Variants in EDRF1 observed in about 807,000 individuals in gnomAD.
The protein encoded by EDRF1 is erythroid differentiation regulatory factor 1, also known as erythroid differentiation-related factor 1.
A neutral mutation model predicts 148.7 loss-of-function variants in EDRF1; 69 were observed. The ratio of observed to expected loss-of-function variants is 0.46; its 90% confidence interval spans 0.38 to 0.57. The LOEUF is 0.57. EDRF1 is among the 20% of genes least tolerant of loss of function. The pLI, the probability that EDRF1 is intolerant of heterozygous loss-of-function variation, is 0.00. For synonymous variants in EDRF1, 515 were observed against 532.8 expected (o/e 0.97, Z 0.46); for missense variants, 1,118 against 1,478.7 (o/e 0.76, Z 4.00).
At chr10:125,760,514 T>A (rs2133771114) in intron 24 of EDRF1, among the ~76,000 whole-genome samples, 1 of 152,286 alleles carries the variant, frequency 6.6e-6, no homozygotes, top group African/African-American at 2.4e-5. Flanking sequence ...TTTATTAAAC[T>A]TAAATGTGAT....
At chr10:125,733,056 A>G (rs1848548244) in intron 9 of EDRF1, among the ~76,000 whole-genome samples, 1 of 152,202 alleles carries the variant, frequency 6.6e-6, no homozygotes, top group Admixed American at 6.5e-5. Flanking sequence ...GCCTACCTTC[A>G]TTTACCATCT....
intron 23 of EDRF1, 83 bp downstream of exon 23, chr10:125,752,997 G>A (rs1849715966): frequency 1.1e-6 from 1 of 944,444 alleles, no homozygotes; most frequent in Non-Finnish European, 1.7e-6. Flanking sequence ...GTGTGTGTAT[G>A]TGTGTGGGTA....
rs925594440 is a variant in EDRF1, at chr10:125,739,286, T to A, written c.1981+841T>A. Among the ~76,000 whole-genome samples, 5 of 152,350 alleles carry A rather than the reference T, an allele frequency of 3.3e-5. No individual in the cohort carries two copies. The East Asian group carries it at 7.7e-4, about 24-fold the overall frequency. ...ATATAGTGCTGCTGGTATGCCAGGC[T>A]TCGGCCTACAGGCAGTAAGGAGATC... On this transcript the variant is annotated intron_variant, in intron 15 of 24. Transcript: ENST00000356792.
intron 9 of EDRF1, among the ~76,000 whole-genome samples, chr10:125,732,537 G>A (rs1018888252): frequency 2.0e-5 from 3 of 152,114 alleles, no homozygotes; most frequent in African/African-American, 7.2e-5. Context: ...ATCAGACATT[G>A]GAGCCTCTCC....
chr10:125,721,296 T>C lies in EDRF1; in HGVS notation c.201T>C (p.Leu67=), dbSNP rs1278630220. ...CTCCTCGAACAGCATTTGCACGCCT[T>C]GAAGAGAAAACAGACTTGAAACTCC... ...SAPPRTAFAR[L]EEKTDLKLPP... Residue 67 remains leucine, a synonymous_variant, in exon 2 of 25, where the codon CTT becomes CTC. Coordinates refer to ENST00000356792, the MANE Select transcript of EDRF1 (RefSeq NM_001202438.2). 2 of 1,614,068 alleles carry C rather than the reference T, an allele frequency of 1.2e-6. No individual in the cohort carries two copies. The highest frequency in any genetic ancestry group is 2.7e-5 in the African/African-American group (2 of 74,912).
Position 125,735,676 on chromosome 10 carries a change from A to G in EDRF1, c.1530A>G (p.Glu510=). Residue 510 remains glutamate, a synonymous_variant, in exon 13 of 25, where the codon GAA becomes GAG. Coordinates refer to ENST00000356792, the MANE Select transcript of EDRF1 (RefSeq NM_001202438.2). ...CTTCCGCCAATTACATGCTTTCAGA[A>G]CTTTTTCAATTGGATGAACCTAAAA... is the stretch of plus-strand genomic sequence containing the variant. ...IIASANYMLS[E]LFQLDEPKKE... is the part of the protein sequence containing the mutation. 1 of 1,613,246 alleles carries G rather than the reference A, an allele frequency of 6.2e-7. No individual in the cohort carries two copies. The highest frequency in any genetic ancestry group is 8.5e-7 in the Non-Finnish European group (1 of 1,179,370).
chr10:125,755,248 T>G (rs1849847290), intron 24 of EDRF1, among the ~76,000 whole-genome samples: 1 of 152,250 alleles, frequency 6.6e-6, no homozygotes, highest in African/African-American at 2.4e-5. Context: ...TTTATTACAT[T>G]TATTGAGATG....
At chr10:125,729,191 A>G in intron 7 of EDRF1, 87 bp downstream of exon 7, 2 of 1,463,436 alleles carry the variant, frequency 1.4e-6, no homozygotes, top group Non-Finnish European at 1.9e-6. Flanking sequence ...ATTGATAGGG[A>G]AAAACTCCAC....
chr10:125,753,634 T>A, intron 23 of EDRF1, 60 bp from the exon 24 acceptor site: 3 of 1,576,064 alleles, frequency 1.9e-6, no homozygotes, highest in Non-Finnish European at 2.6e-6. Flanking sequence ...CATCACTTGG[T>A]ACGATATGAA....
At chr10:125,730,124 A>G (rs998390268) in intron 8 of EDRF1, 164 bp from the exon 9 acceptor site, 2 of 605,268 alleles carry the variant, frequency 3.3e-6, no homozygotes, top group Non-Finnish European at 5.8e-6. Context: ...ATATAGCACA[A>G]CCACTGAGCT....
At chr10:125,756,646 G>A (rs1435591080) in intron 24 of EDRF1, 3 of 308,942 alleles carry the variant, frequency 9.7e-6, no homozygotes, top group South Asian at 8.0e-5. Flanking sequence ...TGTGATATCT[G>A]GGAGAACTGA....
chr10:125,726,094 T>C (rs898834705), intron 6 of EDRF1, among the ~76,000 whole-genome samples: 7 of 152,154 alleles, frequency 4.6e-5, no homozygotes, highest in African/African-American at 7.2e-5. Flanking sequence ...TTGACTGATA[T>C]GTTTATTAAT....
intron 9 of EDRF1, among the ~76,000 whole-genome samples, chr10:125,730,825 T>G (rs532327461): frequency 1.6e-4 from 24 of 152,328 alleles, no homozygotes; most frequent in African/African-American, 4.6e-4. Flanking sequence ...ATATTCTGTT[T>G]AGAAGACACG....
At position 125,735,813 on chromosome 10, in the gene EDRF1, A is replaced by T; in HGVS notation, c.1667A>T (p.Asp556Val). 6.2e-7 allele frequency: 1 copy of T among 1,613,802 alleles called. No individual in the cohort carries two copies. Among genetic ancestry groups the T allele is most frequent in the Non-Finnish European group, 8.5e-7 (1 of 1,179,738 alleles). ...DENGSYSTSS[D>V]PSDDSKAVAI... The stretch of plus-strand genomic sequence containing the variant: ...AATGGATCCTATAGCACCAGCTCTG[A>T]TCCATCAGATGATAGCAAAGCAGTA... Residue 556 changes from aspartate (D) to valine (V), a missense_variant, in exon 13 of 25, where the codon GAT becomes GTT. Physicochemically the swap from Asp to Val is radical, Grantham distance 152. Around this residue, in one of 3 missense-constraint regions of EDRF1, gnomAD observed 954 missense variants for 1,241.4 expected, o/e 0.77. Coordinates refer to ENST00000356792, the MANE Select transcript of EDRF1 (RefSeq NM_001202438.2).
chr10:125,762,565 T>C (rs1261183404), intron 24 of EDRF1, among the ~76,000 whole-genome samples: 1 of 152,040 alleles, frequency 6.6e-6, no homozygotes, highest in African/African-American at 2.4e-5. Flanking sequence ...AAAAATAGAA[T>C]TCACCGATCC....
At chr10:125,729,576 C>T (rs1387861022) in intron 8 of EDRF1, 97 bp downstream of exon 8, 8 of 1,456,222 alleles carry the variant, frequency 5.5e-6, no homozygotes, top group Non-Finnish European at 7.7e-6. Context: ...GAGCCAAGAT[C>T]ATGCTACCGC....
At chr10:125,734,861 G>A (rs1007282389) in intron 12 of EDRF1, among the ~76,000 whole-genome samples, 2 of 152,028 alleles carry the variant, frequency 1.3e-5, no homozygotes, top group African/African-American at 4.8e-5. Flanking sequence ...AATCAGTAAA[G>A]GTATGTAAGA....
intron 17 of EDRF1, among the ~76,000 whole-genome samples, chr10:125,741,997 T>A (rs536425834): frequency 1.8e-4 from 27 of 152,250 alleles, no homozygotes; most frequent in Non-Finnish European, 3.1e-4. Context: ...CCCAGCCTTG[T>A]GTCAGCTTTT....
At chr10:125,730,591 C>T (rs574798277) in intron 9 of EDRF1, among the ~76,000 whole-genome samples, 192 bp downstream of exon 9, 45 of 152,272 alleles carry the variant, frequency 3.0e-4, no homozygotes, top group Admixed American at 8.5e-4. Context: ...TATAATTTTA[C>T]AGGTAATTTG....
Sources: allele counts gnomAD v4.1 joint callset (sites outside exome capture counted in the v4.1 genomes callset), GRCh38; gene constraint gnomAD v4.1.1; regional missense constraint gnomAD v4.1.1; transcripts MANE v1.5; gene names NCBI Gene and HGNC (gene_info 2026-07-23, HGNC 2026-07-21).